GYG1: variants seen among roughly 807,000 people sequenced by gnomAD.
GYG1 encodes the protein glycogenin 1.
Under a neutral mutation model 41.9 loss-of-function variants are expected in GYG1, and 44 were observed. The observed-to-expected ratio is 1.05, with a 90% CI of 0.83 to 1.35. The LOEUF (loss-of-function observed/expected upper bound fraction) is 1.35. GYG1 is among the 40% of genes most tolerant of loss of function. The pLI is 0.00. For missense variants in GYG1, 429 were observed against 418.9 expected (o/e 1.02, Z -0.21); for synonymous variants, 141 against 158.1 (o/e 0.89, Z 0.81).
intron 1 of GYG1, among the ~76,000 whole-genome samples, chr3:148,993,863 A>G (rs1712633481): frequency 6.6e-6 from 1 of 152,224 alleles, no homozygotes; most frequent in African/African-American, 2.4e-5. Context: ...AACTCTTGGT[A>G]TTAAGCTATT....
At chr3:149,017,564 T>C (rs1230752742) in intron 5 of GYG1, among the ~76,000 whole-genome samples, 3 of 150,122 alleles carry the variant, frequency 2.0e-5, no homozygotes, top group Non-Finnish European at 3.0e-5. Flanking sequence ...CTTTTATTTA[T>C]TTATTTCTTT....
At chr3:149,018,456 C>A (rs901513256) in intron 5 of GYG1, among the ~76,000 whole-genome samples, 4 of 152,164 alleles carry the variant, frequency 2.6e-5, no homozygotes, top group Non-Finnish European at 2.9e-5. Context: ...TCATATCAAG[C>A]CAAGTGCTGC....
chr3:149,024,779 A>C (rs1416865018), intron 6 of GYG1, among the ~76,000 whole-genome samples: 1 of 152,224 alleles, frequency 6.6e-6, no homozygotes, highest in Admixed American at 6.5e-5. Context: ...CTTGAAAAAG[A>C]AATATCTTTG....
chr3:149,020,773 G>A (rs1276368380), intron 5 of GYG1, among the ~76,000 whole-genome samples: 3 of 152,254 alleles, frequency 2.0e-5, no homozygotes, highest in East Asian at 1.9e-4. Flanking sequence ...AATCATGGGC[G>A]GAAGCTTAGC....
chr3:149,017,381 T>C (rs1559842225), intron 5 of GYG1, among the ~76,000 whole-genome samples: 1 of 151,580 alleles, frequency 6.6e-6, no homozygotes, highest in East Asian at 1.9e-4. Flanking sequence ...GTAGAGACAA[T>C]TGTGACATGT....
intron 1 of GYG1, among the ~76,000 whole-genome samples, chr3:148,992,105 C>T (rs933901960): frequency 6.6e-6 from 1 of 152,000 alleles, no homozygotes; most frequent in South Asian, 2.1e-4. Flanking sequence ...GCGGCCTCCG[C>T]CCGGCTCCTC....
At chr3:149,026,117 C>T (rs952667632) in intron 6 of GYG1, among the ~76,000 whole-genome samples, 6 of 152,104 alleles carry the variant, frequency 3.9e-5, no homozygotes, top group Non-Finnish European at 5.9e-5. Flanking sequence ...TAATTATGAA[C>T]CAAGGAAAGG....
In GYG1 at chr3:149,009,027, C is replaced by T. The variant is rs1189188738; in HGVS notation, c.482-249C>T. 5 of 415,630 alleles carry T rather than the reference C, an allele frequency of 1.2e-5. No individual in the cohort carries two copies. In the East Asian group the frequency reaches 2.1e-4, roughly 17 times the overall value. The allele number at this position is 415,630 out of a possible 1,614,324, so 25.7% of individuals were successfully genotyped here. Reference sequence around the variant, plus strand: ...AACAAAAAATTGCCTGACGTGGTGGCATGCACCTGTAGTCCCAGCTACTCG... The same window carrying T: ...AACAAAAAATTGCCTGACGTGGTGGTATGCACCTGTAGTCCCAGCTACTCG... On this transcript the variant is annotated intron_variant, in intron 4 of 7. Transcript: ENST00000345003.
intron 5 of GYG1, among the ~76,000 whole-genome samples, chr3:149,021,753 A>G (rs1021642735): frequency 1.3e-5 from 2 of 151,646 alleles, no homozygotes; most frequent in African/African-American, 4.9e-5. Flanking sequence ...CTTTTTAACC[A>G]GTTCCTAACT....
chr3:148,997,021 C>T (rs1194848835), intron 4 of GYG1, 117 bp downstream of exon 4: 1 of 796,732 alleles, frequency 1.3e-6, no homozygotes, highest in Non-Finnish European at 2.2e-6. Flanking sequence ...AGAGATGGAG[C>T]AAGCATTTTA....
chr3:148,993,912 A>G (rs938555050), intron 1 of GYG1, among the ~76,000 whole-genome samples: 1 of 152,214 alleles, frequency 6.6e-6, no homozygotes, highest in African/African-American at 2.4e-5. Flanking sequence ...TTTAATTTCT[A>G]TAGCTTAATC....
intron 4 of GYG1, among the ~76,000 whole-genome samples, chr3:149,006,080 CTTTTTTTT>C (rs34268321): frequency 8.5e-6 from 1 of 117,224 alleles, no homozygotes; most frequent in African/African-American, 3.3e-5. Flanking sequence ...TCATCATATT[CTTTTTTTT>C]TTTTTTTTTT....
At chr3:149,016,108 A>C (rs1346252206) in intron 5 of GYG1, among the ~76,000 whole-genome samples, 2 of 151,916 alleles carry the variant, frequency 1.3e-5, no homozygotes, top group East Asian at 1.9e-4. Context: ...AAAATACAAA[A>C]AAATTAGCTG....
At position 148,996,416 on chromosome 3, in the gene GYG1, G is replaced by A; in HGVS notation, c.258G>A (p.Lys86=). The change falls in exon 3 of 8, where the codon AAG becomes AAA. Residue 86 remains lysine (K), a synonymous_variant. Transcript: ENST00000345003. ...KRPELGVTLT[K]LHCWSLTQYS... is the part of the protein sequence containing the mutation. Reference sequence around the variant, plus strand: ...CAGAGTTGGGTGTCACGCTGACAAAGCTCCACTGCTGGTCGCTTACACAGT... The same window carrying A: ...CAGAGTTGGGTGTCACGCTGACAAAACTCCACTGCTGGTCGCTTACACAGT... 2 of 1,613,968 alleles carry A rather than the reference G, an allele frequency of 1.2e-6. No homozygotes were observed. The highest frequency in any genetic ancestry group is 3.3e-5 in the Admixed American group (2 of 60,026).
chr3:149,002,638 C>T (rs1713156891), intron 4 of GYG1, among the ~76,000 whole-genome samples: 1 of 152,140 alleles, frequency 6.6e-6, no homozygotes, highest in Non-Finnish European at 1.5e-5. Flanking sequence ...AAGAGCTGGG[C>T]TTTCATAAGC....
At chr3:148,995,837 G>A (rs1367500189) in intron 2 of GYG1, among the ~76,000 whole-genome samples, 1 of 152,262 alleles carries the variant, frequency 6.6e-6, no homozygotes, top group East Asian at 1.9e-4. Context: ...TTAATCTGGG[G>A]CATAGAGAAG....
chr3:149,001,324 A>G (rs956917853), intron 4 of GYG1: 2 of 152,224 alleles, frequency 1.3e-5, no homozygotes, highest in Non-Finnish European at 1.5e-5. Flanking sequence ...AGTTTGGATA[A>G]TAAGTATCTT....
At chr3:149,011,137 CTG>C (rs1232355661) in intron 5 of GYG1, among the ~76,000 whole-genome samples, 1 of 152,192 alleles carries the variant, frequency 6.6e-6, no homozygotes, top group Non-Finnish European at 1.5e-5. Context: ...AACACACCAA[CTG>C]TGTTCTGAGT....
chr3:148,991,686 C>G, intron 1 of GYG1, 39 bp downstream of exon 1: 1 of 1,474,478 alleles, frequency 6.8e-7, no homozygotes, highest in South Asian at 1.2e-5. Context: ...CCCCGGGACC[C>G]CGGCTTCCTG....
Sources: gnomAD v4.1 joint callset for allele counts (sites outside exome capture counted in the v4.1 genomes callset) on GRCh38, gnomAD v4.1.1 for gene constraint, MANE v1.5 for transcripts, NCBI Gene and HGNC (gene_info 2026-07-23, HGNC 2026-07-21) for gene names.